The following ACSL6 variants were observed in gnomAD, a reference collection of about 807,000 sequenced individuals.
ACSL6 encodes long-chain-fatty-acid--CoA ligase 6.
A neutral mutation model predicts 98.2 loss-of-function variants in ACSL6; 47 were observed. That is an observed-to-expected ratio of 0.48 (90% confidence interval 0.38 to 0.61). The LOEUF (loss-of-function observed/expected upper bound fraction) is 0.61. Among genes scored for constraint, ACSL6 ranks in the 20% least tolerant of loss-of-function variants. The pLI, the probability that ACSL6 is intolerant of heterozygous loss-of-function variation, is 0.00. For synonymous variants in ACSL6, 362 were observed against 336.9 expected (o/e 1.07, Z -0.82); for missense variants, 761 against 913.4 (o/e 0.83, Z 2.15).
Position 131,972,818 on chromosome 5 carries a change from A to T in ACSL6, c.1244T>A (p.Leu415Gln). 1 of 1,614,236 alleles carries T rather than the reference A, an allele frequency of 6.2e-7. No homozygotes were observed. Among genetic ancestry groups the T allele is most frequent in the Non-Finnish European group, 8.5e-7 (1 of 1,180,042 alleles). Residue 415 changes from leucine (L) to glutamine (Q), a missense_variant, in exon 13 of 21, where the codon CTG (leucine) becomes CAG (glutamine). Transcript: ENST00000651883. ...TTGCTTACGCTTTGCTGCAAACTCC[A>T]GGAGCCAGCGCTTTAATGGTGTGTT... ...QANTPLKRWL[L>Q]EFAAKRKQAE...
rs1282103054 is a variant in ACSL6, at chr5:131,987,934, C to A, written c.831+114G>T. On this transcript the variant is annotated intron_variant, in intron 7 of 20. Coordinates refer to ENST00000651883, the MANE Select transcript of ACSL6 (RefSeq NM_001009185.3). ...CCTGCCCTGTCTGGACACTGATATACCCTGCGGGCCCAAAACAGCCACCCC... is the reference window on the plus strand; with the variant it reads ...CCTGCCCTGTCTGGACACTGATATAACCTGCGGGCCCAAAACAGCCACCCC... 40 of 1,380,744 alleles carry A rather than the reference C, an allele frequency of 2.9e-5. 1 individual carries two copies. The South Asian group carries it at 5.2e-4, about 18-fold the overall frequency. The allele number at this position is 1,380,744 out of a possible 1,614,324, so 85.5% of individuals were successfully genotyped here.
chr5:132,011,532 A>C lies in ACSL6; in HGVS notation c.22T>G (p.Ser8Ala), dbSNP rs749707653. The C allele has an allele frequency of 6.2e-7, 1 of 1,604,746 alleles. No individual in the cohort carries two copies. Residue 8 changes from serine (S) to alanine (A), a missense_variant, in exon 1 of 21, where the codon TCG (serine) becomes GCG (alanine). Physicochemically the swap from Ser to Ala is moderately conservative, Grantham distance 99 (BLOSUM62 1). Transcript: ENST00000651883. The surrounding 1 kb of genome is among the most constrained non-coding windows in gnomAD (Gnocchi z 5.4). ...ACGAATAGCCAGAGGGAGCCCCCCG[A>C]CACGAGGAAGAAGGTCAGCATGGCG... MLTFFLV[S>A]GGSLWLFVEF... is the part of the protein sequence containing the mutation.
intron 1 of ACSL6, among the ~76,000 whole-genome samples, chr5:131,998,146 G>A (rs1040693487): frequency 6.6e-6 from 1 of 152,176 alleles, no homozygotes; most frequent in Admixed American, 6.5e-5. Flanking sequence ...CATACCCCAA[G>A]AGACTCTCTT....
chr5:132,008,374 TC>T (rs1172751162), intron 1 of ACSL6, among the ~76,000 whole-genome samples: 3 of 152,142 alleles, frequency 2.0e-5, no homozygotes, highest in Non-Finnish European at 4.4e-5. Flanking sequence ...GCCAAACCAT[TC>T]TTTAGACGGG....
chr5:131,987,291 G>T (rs1257609226), intron 7 of ACSL6, among the ~76,000 whole-genome samples: 2 of 152,230 alleles, frequency 1.3e-5, no homozygotes, highest in African/African-American at 4.8e-5. Flanking sequence ...GGTTTAAAGT[G>T]CTCTTGGCAC....
intron 9 of ACSL6, 163 bp downstream of exon 9, chr5:131,985,244 A>G: frequency 1.2e-6 from 1 of 807,796 alleles, no homozygotes. Context: ...ACTCTTATGC[A>G]GGGCACTGGG....
At chr5:132,002,036 A>G (rs1306509873) in intron 1 of ACSL6, among the ~76,000 whole-genome samples, 1 of 152,192 alleles carries the variant, frequency 6.6e-6, no homozygotes, top group Non-Finnish European at 1.5e-5. Flanking sequence ...GGCTAAAAAA[A>G]CAGCAGTAGT....
chr5:131,963,901 C>T (rs753543504), intron 17 of ACSL6, among the ~76,000 whole-genome samples: 4 of 152,196 alleles, frequency 2.6e-5, no homozygotes, highest in Admixed American at 6.5e-5. Context: ...CTCTGTTTCA[C>T]AGATGAGGAA....
chr5:131,986,013 G>A (rs1475116402), intron 8 of ACSL6, among the ~76,000 whole-genome samples: 1 of 152,220 alleles, frequency 6.6e-6, no homozygotes, highest in Non-Finnish European at 1.5e-5. Flanking sequence ...TGTAGAGGAT[G>A]GCTTCCCAGA....
intron 10 of ACSL6, chr5:131,975,476 T>C (rs1753568320): frequency 2.0e-6 from 2 of 985,320 alleles, no homozygotes; most frequent in Admixed American, 6.1e-5. Flanking sequence ...CAGCACTTTC[T>C]AGTCCTTGCA....
intron 1 of ACSL6, 147 bp from the exon 2 acceptor site, chr5:131,994,398 G>A: frequency 1.5e-6 from 1 of 678,292 alleles, no homozygotes; most frequent in Non-Finnish European, 2.5e-6. Context: ...CCCAGAAGCT[G>A]GCTACCTAGA....
chr5:132,011,874 C>T (rs776428815), upstream of ACSL6: 582 of 1,528,410 alleles, frequency 3.8e-4, no homozygotes, highest in Non-Finnish European at 4.9e-4. This position sits in a 1 kb window ranked among gnomAD's most constrained non-coding sequence, Gnocchi z 5.4. Context: ...GGCCGCAGAG[C>T]GAACCAGCCC....
chr5:131,987,484 G>A (rs573097977), intron 7 of ACSL6, among the ~76,000 whole-genome samples: 4 of 152,298 alleles, frequency 2.6e-5, no homozygotes, highest in South Asian at 4.1e-4. Context: ...AGGAGGGCCT[G>A]GGGCCTAGAT....
rs1754206672 is a variant in ACSL6, at chr5:131,986,693, T to C, written c.864+129A>G. The C allele has an allele frequency of 5.6e-5, 66 of 1,168,826 alleles. No homozygotes were observed. In the South Asian group the frequency reaches 7.8e-4, roughly 14 times the overall value. The allele number at this position is 1,168,826 out of a possible 1,614,324, so 72.4% of individuals were successfully genotyped here. A position where few individuals can be genotyped will look rare whatever the true frequency, so the allele number is the denominator to read the frequency against. The stretch of plus-strand genomic sequence containing the variant: ...GAAGTCCTGGACACTCAAGTGGGCA[T>C]TTCCTGGCTTGCACACAGGAGTTGC... On this transcript the variant is annotated intron_variant, in intron 8 of 20. Coordinates refer to ENST00000651883, the MANE Select transcript of ACSL6 (RefSeq NM_001009185.3).
Position 131,988,850 on chromosome 5 carries a change from A to T in ACSL6, c.607T>A (p.Tyr203Asn), listed in dbSNP as rs1336062066. Residue 203 changes from tyrosine (Y) to asparagine (N), a missense_variant, in exon 6 of 21, where the codon TAT becomes AAT. Transcript: ENST00000651883. ...YTYSMVVVPL[Y>N]DTLGPGAIRY... ...ATAGCCCCAGGGCCCAGGGTGTCAT[A>T]GAGCGGGACCACCACCATGGAATAT... 6.2e-7 allele frequency: 1 copy of T among 1,613,824 alleles called. No individual in the cohort carries two copies. The highest frequency in any genetic ancestry group is 1.7e-5 in the Admixed American group (1 of 60,006).
chr5:131,986,873 G>A lies in ACSL6; in HGVS notation c.832-19C>T. 1 of 1,613,986 alleles carries A rather than the reference G, an allele frequency of 6.2e-7. No homozygotes were observed. The highest frequency in any genetic ancestry group is 8.5e-7 in the Non-Finnish European group (1 of 1,179,988). Reference sequence around the variant, plus strand: ...CACAGTCCTGAAAGAAGAAAATGCTGTTTTTAAATGCTCAAAAGTTCTCTC... The same window carrying A: ...CACAGTCCTGAAAGAAGAAAATGCTATTTTTAAATGCTCAAAAGTTCTCTC... On this transcript the variant is annotated intron_variant, in intron 7 of 20. Coordinates refer to ENST00000651883, the MANE Select transcript of ACSL6 (RefSeq NM_001009185.3).
At chr5:131,954,492 G>A (rs556084523) in intron 20 of ACSL6, 121 bp from the exon 21 acceptor site, 2 of 1,060,954 alleles carry the variant, frequency 1.9e-6, no homozygotes, top group Admixed American at 7.1e-5. Flanking sequence ...ATTATGCTAA[G>A]TCAAAATTAT....
intron 9 of ACSL6, among the ~76,000 whole-genome samples, chr5:131,977,051 G>A (rs1753660613): frequency 6.6e-6 from 1 of 152,202 alleles, no homozygotes; most frequent in Admixed American, 6.5e-5. Context: ...GAGGCTGTCA[G>A]CCCCGAGTCC....
chr5:131,995,745 C>T (rs892296355), intron 1 of ACSL6, among the ~76,000 whole-genome samples: 6 of 152,150 alleles, frequency 3.9e-5, no homozygotes, highest in Non-Finnish European at 7.3e-5. Context: ...CACAAAAAGC[C>T]CTTCAGTTGT....
Sources: gnomAD v4.1 joint callset for allele counts (sites outside exome capture counted in the v4.1 genomes callset) on GRCh38, gnomAD v4.1.1 for gene constraint, Gnocchi (gnomAD v3.1) non-coding constraint, MANE v1.5 for transcripts, NCBI Gene and HGNC (gene_info 2026-07-23, HGNC 2026-07-21) for gene names.